Variants in CSMD1 observed in about 807,000 individuals in gnomAD.
The protein encoded by CSMD1 is CUB and Sushi multiple domains 1.
CSMD1 carries 213 observed loss-of-function variants against 417.5 expected under a neutral mutation model. The ratio of observed to expected loss-of-function variants is 0.51; its 90% CI spans 0.46 to 0.57. CSMD1 has a LOEUF of 0.57. CSMD1 is among the 20% of genes least tolerant of loss of function. CSMD1 has a pLI of 0.00. For synonymous variants in CSMD1, 2,862 were observed against 1,736.8 expected, an observed-to-expected ratio of 1.65 and a Z score of -16.11; for missense variants, 6,923 against 4,529.7, an observed-to-expected ratio of 1.53 and a Z score of -15.17.
chr8:4,844,295 T>G (rs1179026475), intron 1 of CSMD1, among the ~76,000 whole-genome samples: 1 of 152,176 alleles, frequency 6.6e-6, no homozygotes, highest in Non-Finnish European at 1.5e-5. Flanking sequence ...CTAAATGTCC[T>G]CCAGCATCAG....
chr8:4,194,933 G>A (rs1238782973), intron 3 of CSMD1, among the ~76,000 whole-genome samples: 1 of 151,784 alleles, frequency 6.6e-6, no homozygotes. Context: ...AGTAGAAGAG[G>A]TGATTAGTCC....
intron 5 of CSMD1, among the ~76,000 whole-genome samples, chr8:3,935,163 G>T (rs1220423384): frequency 1.3e-5 from 2 of 152,052 alleles, no homozygotes; most frequent in Non-Finnish European, 2.9e-5. Context: ...GCAAGAATAT[G>T]GCCACGACTC....
At chr8:3,522,822 T>C (rs1797562921) in intron 10 of CSMD1, among the ~76,000 whole-genome samples, 1 of 151,358 alleles carries the variant, frequency 6.6e-6, no homozygotes, top group Non-Finnish European at 1.5e-5. Context: ...ACGTATTTTA[T>C]TTGACATATA....
At chr8:4,830,358 T>C (rs939307484) in intron 1 of CSMD1, among the ~76,000 whole-genome samples, 9 of 152,198 alleles carry the variant, frequency 5.9e-5, no homozygotes, top group African/African-American at 1.9e-4. Flanking sequence ...ACATTAGAGA[T>C]AATTGATGGC....
intron 10 of CSMD1, among the ~76,000 whole-genome samples, chr8:3,537,007 T>C (rs1008417047): frequency 6.6e-6 from 1 of 152,244 alleles, no homozygotes; most frequent in South Asian, 2.1e-4. Context: ...TTTCTTTTCT[T>C]TCTTTTCTTT....
At chr8:3,277,926 C>G (rs952228636) in intron 26 of CSMD1, among the ~76,000 whole-genome samples, 1 of 152,186 alleles carries the variant, frequency 6.6e-6, no homozygotes, top group Non-Finnish European at 1.5e-5. Flanking sequence ...CAAATTGGTA[C>G]ACATGAAAAG....
At chr8:4,578,324 C>G (rs1385108994) in intron 2 of CSMD1, among the ~76,000 whole-genome samples, 7 of 107,400 alleles carry the variant, frequency 6.5e-5, no homozygotes, top group Non-Finnish European at 1.3e-4. Flanking sequence ...TGCCACGACA[C>G]CCGGCTCATT....
chr8:4,112,342 G>T (rs1027972698), intron 3 of CSMD1, among the ~76,000 whole-genome samples: 2 of 152,328 alleles, frequency 1.3e-5, no homozygotes, highest in African/African-American at 4.8e-5. Flanking sequence ...ACAGGCCTGT[G>T]ATGAGGCTAG....
intron 2 of CSMD1, among the ~76,000 whole-genome samples, chr8:4,618,600 A>ATGTTT (rs1801608363): frequency 6.6e-6 from 1 of 152,090 alleles, no homozygotes; most frequent in African/African-American, 2.4e-5. Flanking sequence ...AAGGCTTTTG[A>ATGTTT]TGTTTTTCTG....
intron 18 of CSMD1, among the ~76,000 whole-genome samples, chr8:3,385,027 T>C (rs868757499): frequency 8.6e-6 from 1 of 116,718 alleles, no homozygotes; most frequent in South Asian, 2.5e-4. Flanking sequence ...AATATATAAA[T>C]ATAATATATA....
chr8:3,070,638 G>C (rs891832148), intron 49 of CSMD1, among the ~76,000 whole-genome samples: 10 of 152,142 alleles, frequency 6.6e-5, no homozygotes, highest in African/African-American at 2.4e-4. Flanking sequence ...GACCCCATCA[G>C]CCTGGTCTTC....
chr8:3,311,597 T>C (rs564971545), intron 23 of CSMD1, among the ~76,000 whole-genome samples: 30 of 152,366 alleles, frequency 2.0e-4, no homozygotes, highest in African/African-American at 7.0e-4. Context: ...CGATTTGTGC[T>C]AGTATTGAAT....
intron 23 of CSMD1, among the ~76,000 whole-genome samples, chr8:3,323,355 C>G (rs1489503281): frequency 6.6e-6 from 1 of 152,000 alleles, no homozygotes; most frequent in Admixed American, 6.6e-5. Context: ...AAAATTTTAT[C>G]TCTATTTATT....
At chr8:4,157,758 A>G (rs534405296) in intron 3 of CSMD1, among the ~76,000 whole-genome samples, 1 of 152,224 alleles carries the variant, frequency 6.6e-6, no homozygotes, top group Admixed American at 6.5e-5. Flanking sequence ...GCCAGGGCTG[A>G]CCTGCCTGGT....
intron 21 of CSMD1, among the ~76,000 whole-genome samples, chr8:3,353,994 CAG>C (rs1164187474): frequency 6.6e-6 from 1 of 152,200 alleles, no homozygotes; most frequent in Non-Finnish European, 1.5e-5. Context: ...GTACCACAGA[CAG>C]AGTGGCCTCA....
At chr8:3,139,989 G>A (rs1393195725) in intron 41 of CSMD1, among the ~76,000 whole-genome samples, 5 of 146,498 alleles carry the variant, frequency 3.4e-5, no homozygotes, top group African/African-American at 5.1e-5. Context: ...TGCAACCTCC[G>A]CCTCCCGAGT....
intron 2 of CSMD1, among the ~76,000 whole-genome samples, chr8:4,454,371 C>G (rs184483819): frequency 2.8e-3 from 430 of 152,228 alleles, no homozygotes; most frequent in African/African-American, 9.8e-3. Flanking sequence ...CAACACATAC[C>G]TCTTGATTTT....
At chr8:4,096,413 G>A (rs1472574584) in intron 3 of CSMD1, among the ~76,000 whole-genome samples, 1 of 152,046 alleles carries the variant, frequency 6.6e-6, no homozygotes, top group Non-Finnish European at 1.5e-5. Context: ...GACATAGAGT[G>A]AAAACAGGAA....
chr8:3,920,725 T>C (rs1809186466), intron 5 of CSMD1, among the ~76,000 whole-genome samples: 3 of 120,748 alleles, frequency 2.5e-5, no homozygotes, highest in South Asian at 3.3e-4. Context: ...TGTGCATCTA[T>C]TGAGATGATC....
Sources: allele counts gnomAD v4.1 joint callset (sites outside exome capture counted in the v4.1 genomes callset), GRCh38; gene constraint gnomAD v4.1.1; transcripts MANE v1.5; gene names NCBI Gene and HGNC (gene_info 2026-07-23, HGNC 2026-07-21).